Variants in SNRK observed in about 807,000 individuals in gnomAD.
The protein encoded by SNRK is SNF-related serine/threonine-protein kinase.
Under a neutral mutation model 48.2 loss-of-function variants are expected in SNRK, and 3 were observed. That is an observed-to-expected ratio of 0.06 (90% CI 0.03 to 0.16). SNRK has a LOEUF of 0.16. Ranked by LOEUF, SNRK falls within the 10% of genes least tolerant of loss-of-function variation. The pLI is 1.00. For missense variants in SNRK, 627 were observed against 976.0 expected (o/e 0.64, Z 4.76); for synonymous variants, 376 against 366.1 (o/e 1.03, Z -0.31).
chr3:43,307,002 T>G (rs561246430), intron 3 of SNRK, among the ~76,000 whole-genome samples: 205 of 152,342 alleles, frequency 1.3e-3, no homozygotes, highest in Admixed American at 2.4e-3. Flanking sequence ...TTTATGTGAT[T>G]AAAATATTTG....
chr3:43,309,690 C>T (rs944838008), intron 3 of SNRK, among the ~76,000 whole-genome samples: 3 of 149,166 alleles, frequency 2.0e-5, no homozygotes, highest in Non-Finnish European at 3.0e-5. Flanking sequence ...GATCATAGTT[C>T]GTTGCAGACT....
At chr3:43,335,609 T>C (rs1436645665) in intron 4 of SNRK, among the ~76,000 whole-genome samples, 1 of 152,228 alleles carries the variant, frequency 6.6e-6, no homozygotes, top group African/African-American at 2.4e-5. Flanking sequence ...TCAAAATTAT[T>C]TGCATCCTGT....
At chr3:43,334,468 A>G (rs553759614) in intron 4 of SNRK, among the ~76,000 whole-genome samples, 2 of 152,318 alleles carry the variant, frequency 1.3e-5, no homozygotes, top group South Asian at 2.1e-4. Context: ...CTCAAAAAAA[A>G]AAAAAATTAT....
intron 4 of SNRK, among the ~76,000 whole-genome samples, chr3:43,337,461 C>T (rs1033550327): frequency 9.9e-5 from 15 of 151,980 alleles, no homozygotes; most frequent in Non-Finnish European, 1.6e-4. Context: ...CACCCTGTCA[C>T]CCAGGCTGGA....
intron 4 of SNRK, among the ~76,000 whole-genome samples, chr3:43,334,599 CT>C (rs543154243): frequency 1.4e-3 from 197 of 144,704 alleles, no homozygotes; most frequent in Admixed American, 1.4e-3. Flanking sequence ...TTTATATTAT[CT>C]TTTTTTTTTT....
At chr3:43,318,495 C>G (rs2091029152) in intron 3 of SNRK, among the ~76,000 whole-genome samples, 3 of 151,616 alleles carry the variant, frequency 2.0e-5, no homozygotes, top group African/African-American at 7.3e-5. Context: ...TTACATTCAC[C>G]TTAGGTCATA....
chr3:43,321,572 T>C (rs1243942651), intron 3 of SNRK, among the ~76,000 whole-genome samples: 4 of 152,206 alleles, frequency 2.6e-5, no homozygotes, highest in Non-Finnish European at 2.9e-5. Context: ...CGTATAATTC[T>C]AGCAAGTTCA....
intron 1 of SNRK, among the ~76,000 whole-genome samples, chr3:43,296,769 A>G: frequency 6.6e-6 from 1 of 152,184 alleles, no homozygotes; most frequent in Non-Finnish European, 1.5e-5. Context: ...TAACAAGAAT[A>G]ACAGGGTGAA....
In SNRK at chr3:43,344,157, A is replaced by G. The variant is rs557770911; in HGVS notation, c.1079+679A>G. On this transcript the variant is annotated intron_variant, in intron 6 of 6. Coordinates refer to ENST00000296088, the MANE Select transcript of SNRK (RefSeq NM_017719.5). The stretch of plus-strand genomic sequence containing the variant: ...GGAATATTTTACCACCATTGTCTTC[A>G]ATAAAGTCATGAACGTGCTGCTCCC... 2.0e-5 allele frequency among the ~76,000 whole-genome samples: 3 copies of G among 152,258 alleles called. No homozygotes were observed. In the South Asian group the frequency reaches 6.2e-4, roughly 32 times the overall value.
intron 3 of SNRK, among the ~76,000 whole-genome samples, chr3:43,326,409 A>C (rs2091097040): frequency 6.6e-6 from 1 of 151,242 alleles, no homozygotes. Flanking sequence ...GTTTTCATTC[A>C]GCAAACTTGT....
chr3:43,312,600 T>C (rs1380691409), intron 3 of SNRK, among the ~76,000 whole-genome samples: 1 of 152,110 alleles, frequency 6.6e-6, no homozygotes, highest in Non-Finnish European at 1.5e-5. Context: ...TATACATATA[T>C]CACTTTTACT....
At chr3:43,329,781 C>G (rs1265875609) in intron 3 of SNRK, among the ~76,000 whole-genome samples, 1 of 152,150 alleles carries the variant, frequency 6.6e-6, no homozygotes, top group East Asian at 1.9e-4. Flanking sequence ...TTGGACAAAT[C>G]ATCCTGAAGA....
rs1420261013 is a variant in SNRK, at chr3:43,347,307, G to A, written c.1080-32G>A. Reference sequence around the variant, plus strand: ...CTATCATCTGCATAATGATTATATGGCTTTTTTCCCCCCAATCTATCTGTT... The same window carrying A: ...CTATCATCTGCATAATGATTATATGACTTTTTTCCCCCCAATCTATCTGTT... On this transcript the variant is annotated intron_variant, in intron 6 of 6. Transcript: ENST00000296088. The surrounding 1 kb of genome is among the most constrained non-coding windows in gnomAD (Gnocchi z 5.4). 2.6e-6 allele frequency: 4 copies of A among 1,521,132 alleles called. No individual in the cohort carries two copies. Among genetic ancestry groups the A allele is most frequent in the Admixed American group, 2.2e-5 (1 of 45,590 alleles). 94.2% of individuals were successfully genotyped at this position (1,521,132 alleles called of 1,614,324 possible).
intron 5 of SNRK, among the ~76,000 whole-genome samples, chr3:43,340,942 G>C (rs1295830444): frequency 3.3e-5 from 5 of 152,062 alleles, no homozygotes; most frequent in Non-Finnish European, 5.9e-5. Flanking sequence ...AAGTTTTATT[G>C]GGCCACAGCC....
chr3:43,298,558 G>A (rs573696750), intron 1 of SNRK, among the ~76,000 whole-genome samples: 15 of 152,200 alleles, frequency 9.9e-5, no homozygotes, highest in African/African-American at 2.6e-4. Flanking sequence ...ACCTTTCCTC[G>A]TCCTTTCACC....
intron 3 of SNRK, among the ~76,000 whole-genome samples, chr3:43,325,297 C>G (rs1373006435): frequency 6.6e-6 from 1 of 152,192 alleles, no homozygotes; most frequent in East Asian, 1.9e-4. Flanking sequence ...TCCTGAGTAG[C>G]TGGGATTATA....
In SNRK at chr3:43,343,410, G is replaced by A. The variant is rs752645844; in HGVS notation, c.1011G>A (p.Leu337=). The A allele has an allele frequency of 2.5e-6, 4 of 1,614,120 alleles. No homozygotes were observed. The highest frequency in any genetic ancestry group is 1.7e-5 in the Admixed American group (1 of 60,024). ...ATYFLLAERI[L]REKQEKEIQT... The stretch of plus-strand genomic sequence containing the variant: ...ACTTCCTGCTGGCTGAAAGGATCCT[G>A]AGAGAAAAGCAAGAGAAAGAAATAC... Residue 337 remains leucine, a synonymous_variant, in exon 6 of 7, where the codon CTG becomes CTA. Coordinates refer to ENST00000296088, the MANE Select transcript of SNRK (RefSeq NM_017719.5).
intron 1 of SNRK, 115 bp from the exon 2 acceptor site, chr3:43,299,639 A>G (rs2090883857): frequency 6.6e-6 from 1 of 152,612 alleles, no homozygotes; most frequent in South Asian, 2.1e-4. Flanking sequence ...CTAAAGACAA[A>G]TTTTACTATT....
rs2091284139 is a variant in SNRK at position 43,347,325 on chromosome 3, T to C, written c.1080-14T>C. The C allele has an allele frequency of 6.5e-7, 1 of 1,533,774 alleles. No individual in the cohort carries two copies. The highest frequency in any genetic ancestry group is 1.4e-5 in the African/African-American group (1 of 72,180). On this transcript the variant is annotated splice_polypyrimidine_tract_variant and intron_variant, in intron 6 of 6. Transcript: ENST00000296088. This position sits in a 1 kb window ranked among gnomAD's most constrained non-coding sequence, Gnocchi z 5.4. ...TTATATGGCTTTTTTCCCCCCAATC[T>C]ATCTGTTACATAGGCAGTCATGGCC...
Sources: allele counts gnomAD v4.1 joint callset (sites outside exome capture counted in the v4.1 genomes callset), GRCh38; gene constraint gnomAD v4.1.1; non-coding constraint Gnocchi (gnomAD v3.1); transcripts MANE v1.5; gene names NCBI Gene and HGNC (gene_info 2026-07-23, HGNC 2026-07-21).